The following BMPER variants were observed in gnomAD, a reference collection of about 807,000 sequenced individuals.
The protein encoded by BMPER is BMP binding endothelial regulator, also known as BMP-binding endothelial regulator protein.
A neutral mutation model predicts 87.3 loss-of-function variants in BMPER; 45 were observed. That is an observed-to-expected ratio of 0.52 (90% CI 0.41 to 0.66). BMPER has a LOEUF of 0.66. BMPER is among the 30% of genes least tolerant of loss of function. The pLI, the probability that BMPER is intolerant of heterozygous loss-of-function variation, is 0.00. For missense variants in BMPER, 784 were observed against 867.5 expected (o/e 0.90, Z 1.21); for synonymous variants, 326 against 316.2 (o/e 1.03, Z -0.33).
intron 13 of BMPER, among the ~76,000 whole-genome samples, chr7:34,112,796 C>T (rs572183030): frequency 3.3e-5 from 5 of 151,204 alleles, no homozygotes; most frequent in African/African-American, 9.7e-5. Context: ...TATTGTGCAC[C>T]GAAGTTTTCA....
intron 13 of BMPER, among the ~76,000 whole-genome samples, chr7:34,092,278 C>G (rs1462768338): frequency 6.6e-6 from 1 of 152,170 alleles, no homozygotes; most frequent in Non-Finnish European, 1.5e-5. Flanking sequence ...GGCAAGATGA[C>G]CCTTCTGAAT....
chr7:33,915,157 AT>A (rs1338392420), intron 2 of BMPER, among the ~76,000 whole-genome samples: 1 of 152,194 alleles, frequency 6.6e-6, no homozygotes, highest in East Asian at 1.9e-4. Flanking sequence ...ACCACATGAA[AT>A]TTTAAAAGGT....
intron 4 of BMPER, among the ~76,000 whole-genome samples, chr7:33,968,875 A>G (rs1010704553): frequency 2.0e-5 from 3 of 152,232 alleles, no homozygotes; most frequent in African/African-American, 4.8e-5. Context: ...CAGGAAATTC[A>G]TGCTGGGAAC....
At chr7:34,000,862 C>T (rs1188926919) in intron 6 of BMPER, among the ~76,000 whole-genome samples, 3 of 151,922 alleles carry the variant, frequency 2.0e-5, no homozygotes, top group Non-Finnish European at 4.4e-5. Flanking sequence ...AAGAAAGTTC[C>T]TCTTATTTTT....
At chr7:34,055,410 TACAAA>T in intron 9 of BMPER, 107 bp downstream of exon 9, 3 of 1,353,620 alleles carry the variant, frequency 2.2e-6, no homozygotes, top group South Asian at 1.2e-5. Context: ...TATATACATA[TACAAA>T]TGTATATGTG....
chr7:34,107,387 CTA>C (rs1789846267), intron 13 of BMPER, among the ~76,000 whole-genome samples: 1 of 152,208 alleles, frequency 6.6e-6, no homozygotes, highest in Admixed American at 6.5e-5. Flanking sequence ...CATTCGCAAA[CTA>C]ATTTGTCACT....
At chr7:34,038,049 G>A (rs1435824589) in intron 6 of BMPER, among the ~76,000 whole-genome samples, 4 of 152,128 alleles carry the variant, frequency 2.6e-5, no homozygotes, top group African/African-American at 9.7e-5. Flanking sequence ...AATAATTAGG[G>A]TAGGCAGAAT....
At chr7:33,978,855 AT>A (rs1338623323) in intron 6 of BMPER, among the ~76,000 whole-genome samples, 1 of 152,232 alleles carries the variant, frequency 6.6e-6, no homozygotes, top group Non-Finnish European at 1.5e-5. Flanking sequence ...ATAATAAACT[AT>A]TGAATAGCTC....
At chr7:34,011,708 C>A (rs1786886898) in intron 6 of BMPER, among the ~76,000 whole-genome samples, 1 of 151,318 alleles carries the variant, frequency 6.6e-6, no homozygotes, top group Admixed American at 6.6e-5. Context: ...ATTCCAGAAA[C>A]CTGTACCCAT....
intron 7 of BMPER, among the ~76,000 whole-genome samples, chr7:34,050,073 G>T (rs1404943306): frequency 1.3e-5 from 2 of 152,152 alleles, no homozygotes; most frequent in Non-Finnish European, 2.9e-5. Flanking sequence ...GGGAAAGAAT[G>T]AATTTTTTTA....
chr7:34,072,120 G>T (rs918462985), intron 11 of BMPER, among the ~76,000 whole-genome samples: 3 of 152,154 alleles, frequency 2.0e-5, no homozygotes, highest in East Asian at 1.9e-4. Context: ...AAAAATTAGG[G>T]TATGAATATA....
chr7:34,101,775 C>T (rs74466226), intron 13 of BMPER, among the ~76,000 whole-genome samples: 28,124 of 152,152 alleles, frequency 0.18, 3,231 homozygotes, highest in Middle Eastern at 0.25. Flanking sequence ...AGGCTGTCTT[C>T]AGGACTGGGT....
At position 34,013,248 on chromosome 7, in the gene BMPER, C is replaced by T. The variant is rs77760973; in HGVS notation, c.577-33058C>T. ...GCACAACTCTCCATTCTCTTTAAAG[C>T]CAGAGGCTTGGGAATTACATTTGGA... On this transcript the variant is annotated intron_variant, in intron 6 of 14. Transcript: ENST00000649409. 4.6e-3 allele frequency among the ~76,000 whole-genome samples: 705 copies of T among 151,726 alleles called. 6 individuals are homozygous for T. Among genetic ancestry groups the T allele is most frequent in the African/African-American group, 0.017 (687 of 41,430 alleles).
Position 33,937,219 on chromosome 7 carries a change from G to A in BMPER, c.220-70G>A, listed in dbSNP as rs530048937. On this transcript the variant is annotated intron_variant, in intron 2 of 14. Transcript: ENST00000649409. Reference sequence around the variant, plus strand: ...TAAGAGTGGGGCTCGGGAAACCTCTGTGGTGTGTTAGGATTTGGGGAATTC... The same window carrying A: ...TAAGAGTGGGGCTCGGGAAACCTCTATGGTGTGTTAGGATTTGGGGAATTC... 46 of 1,508,958 alleles carry A rather than the reference G, an allele frequency of 3.0e-5. No homozygotes were observed. The African/African-American group carries it at 5.9e-4, about 19-fold the overall frequency. The allele number at this position is 1,508,958 out of a possible 1,614,324, so 93.5% of individuals were successfully genotyped here.
At chr7:34,062,602 C>T (rs758997872) in intron 11 of BMPER, among the ~76,000 whole-genome samples, 1 of 152,070 alleles carries the variant, frequency 6.6e-6, no homozygotes, top group East Asian at 1.9e-4. Context: ...TGTGAAATGC[C>T]TTCTGAGAAA....
intron 13 of BMPER, among the ~76,000 whole-genome samples, chr7:34,087,167 C>T (rs1789237821): frequency 1.3e-5 from 2 of 152,174 alleles, no homozygotes. Context: ...CCGAACATGG[C>T]TGTATGTGCC....
At chr7:33,983,696 TTC>T (rs770453349) in intron 6 of BMPER, among the ~76,000 whole-genome samples, 35 of 152,326 alleles carry the variant, frequency 2.3e-4, no homozygotes, top group Non-Finnish European at 3.4e-4. Context: ...TACATGCCAT[TTC>T]TCTCTGTCTA....
At chr7:33,933,831 G>A (rs1784537351) in intron 2 of BMPER, among the ~76,000 whole-genome samples, 1 of 152,162 alleles carries the variant, frequency 6.6e-6, no homozygotes, top group Non-Finnish European at 1.5e-5. Flanking sequence ...GCATTTAAAT[G>A]ACAGGCCTCT....
rs543294271 is a variant in BMPER at position 34,085,938 on chromosome 7, A to G, written c.1591A>G (p.Asn531Asp). The change falls in exon 13 of 15, where the codon AAT becomes GAT. Residue 531 changes from asparagine (N) to aspartate (D), a missense_variant. Transcript: ENST00000649409. ...TGCTGAATCTTGGAGGGTGGAGTCC[A>G]ATGAGTTCTGCAACAGACCTCAGAG... is the stretch of plus-strand genomic sequence containing the variant. ...DFAESWRVES[N>D]EFCNRPQRKP... The G allele has an allele frequency of 6.2e-7, 1 of 1,614,154 alleles. No homozygotes were observed. The highest frequency in any genetic ancestry group is 1.3e-5 in the African/African-American group (1 of 75,030).
Sources: allele counts gnomAD v4.1 joint callset (sites outside exome capture counted in the v4.1 genomes callset), GRCh38; gene constraint gnomAD v4.1.1; transcripts MANE v1.5; gene names NCBI Gene and HGNC (gene_info 2026-07-23, HGNC 2026-07-21).